Variants in AHI1 observed in about 807,000 individuals in gnomAD.
AHI1 encodes Abelson helper integration site 1.
Under a neutral mutation model 149.3 loss-of-function variants are expected in AHI1, and 123 were observed. The observed-to-expected ratio is 0.82, with a 90% CI of 0.71 to 0.96. The LOEUF is 0.96. AHI1 is among the 40% of genes least tolerant of loss of function. The pLI is 0.00. For synonymous variants in AHI1, 475 were observed against 459.8 expected (o/e 1.03, Z -0.42); for missense variants, 1,439 against 1,422.7 (o/e 1.01, Z -0.18).
intron 15 of AHI1, among the ~76,000 whole-genome samples, chr6:135,434,651 TA>T (rs1785138136): frequency 6.6e-6 from 1 of 152,028 alleles, no homozygotes; most frequent in Non-Finnish European, 1.5e-5. Flanking sequence ...TGGTTTCTGT[TA>T]CCCAGGCCAT....
chr6:135,318,484 G>T (rs1219051698), intron 26 of AHI1, 35 bp downstream of exon 26: 5 of 1,277,346 alleles, frequency 3.9e-6, no homozygotes, highest in South Asian at 2.6e-5. Context: ...GAAAATCAAA[G>T]TACATATGTA....
chr6:135,334,721 A>C (rs1454588316), intron 24 of AHI1, among the ~76,000 whole-genome samples: 12 of 152,232 alleles, frequency 7.9e-5, no homozygotes, highest in Admixed American at 7.8e-4. Context: ...GAGAAGAAAA[A>C]ATCATAGTGT....
intron 26 of AHI1, chr6:135,301,928 T>C: frequency 1.0e-6 from 1 of 985,374 alleles, no homozygotes; most frequent in Non-Finnish European, 1.2e-6. Context: ...AATTATCCTG[T>C]TTCTTTCCAG....
chr6:135,295,339 A>C (rs565632092), intron 27 of AHI1, among the ~76,000 whole-genome samples: 2 of 152,224 alleles, frequency 1.3e-5, no homozygotes, highest in Non-Finnish European at 2.9e-5. Flanking sequence ...TATGGAAAAC[A>C]ATTTGGCAGT....
At chr6:135,308,880 A>G (rs1583624136) in intron 26 of AHI1, among the ~76,000 whole-genome samples, 1 of 152,340 alleles carries the variant, frequency 6.6e-6, no homozygotes, top group East Asian at 1.9e-4. Context: ...GCAATTATCT[A>G]GGTCCTGCCT....
At chr6:135,399,582 C>T (rs770445561) in intron 22 of AHI1, among the ~76,000 whole-genome samples, 13 of 152,158 alleles carry the variant, frequency 8.5e-5, no homozygotes, top group East Asian at 5.8e-4. Context: ...TTGTTAGATC[C>T]GCTGAGCTCC....
At chr6:135,361,691 ACAC>A (rs1793910586) in intron 23 of AHI1, among the ~76,000 whole-genome samples, 1 of 137,442 alleles carries the variant, frequency 7.3e-6, no homozygotes, top group Admixed American at 7.4e-5. Flanking sequence ...ACACACACAC[ACAC>A]GTGTGTATAT....
intron 14 of AHI1, among the ~76,000 whole-genome samples, chr6:135,440,464 G>A (rs183331313): frequency 6.6e-6 from 1 of 152,154 alleles, no homozygotes; most frequent in Non-Finnish European, 1.5e-5. Context: ...ATATTCCTGG[G>A]TATCTAGAAG....
chr6:135,362,465 G>A (rs1794050646), intron 23 of AHI1, among the ~76,000 whole-genome samples: 1 of 152,068 alleles, frequency 6.6e-6, no homozygotes, highest in Non-Finnish European at 1.5e-5. Context: ...CATAGTGGTT[G>A]TACTAGTTCA....
rs759943891 is a variant in AHI1, at chr6:135,290,560, T to C, written c.3486-35A>G. On this transcript the variant is annotated intron_variant, in intron 27 of 28. Coordinates refer to ENST00000265602, the MANE Select transcript of AHI1 (RefSeq NM_001134831.2). Reference sequence around the variant, plus strand: ...GGAAAGATCAGAAACAAGGAGCCAGTAAAAGAGAGCTGAGCTAAAAGCTCA... The same window carrying C: ...GGAAAGATCAGAAACAAGGAGCCAGCAAAAGAGAGCTGAGCTAAAAGCTCA... 18 of 1,611,236 alleles carry C rather than the reference T, an allele frequency of 1.1e-5. No individual in the cohort carries two copies. The African/African-American group carries it at 2.4e-4, about 22-fold the overall frequency.
intron 21 of AHI1, among the ~76,000 whole-genome samples, chr6:135,406,216 A>T (rs920797140): frequency 2.6e-5 from 4 of 152,216 alleles, no homozygotes; most frequent in African/African-American, 9.6e-5. Flanking sequence ...AAGTTTTTAG[A>T]TCCAGAAATT....
chr6:135,364,176 A>C (rs376244660), intron 23 of AHI1, among the ~76,000 whole-genome samples: 1 of 145,732 alleles, frequency 6.9e-6, no homozygotes, highest in Admixed American at 6.8e-5. Context: ...CTTCTCAGAC[A>C]GGGCGGTTGC....
intron 24 of AHI1, among the ~76,000 whole-genome samples, chr6:135,327,632 C>T (rs1787903086): frequency 6.6e-6 from 1 of 152,262 alleles, no homozygotes; most frequent in East Asian, 1.9e-4. Flanking sequence ...AACAGAATGT[C>T]TCTGATCTCC....
intron 26 of AHI1, among the ~76,000 whole-genome samples, chr6:135,311,759 T>C (rs1321880649): frequency 6.6e-6 from 1 of 152,266 alleles, no homozygotes; most frequent in Non-Finnish European, 1.5e-5. Flanking sequence ...AATACTTATA[T>C]TCTCTTTTCT....
chr6:135,376,491 T>G (rs755467404), intron 23 of AHI1, among the ~76,000 whole-genome samples: 12 of 152,194 alleles, frequency 7.9e-5, no homozygotes, highest in Non-Finnish European at 1.6e-4. Flanking sequence ...ACCATTTACA[T>G]GTACTTTGTA....
At chr6:135,335,781 C>T (rs1256359547) in intron 24 of AHI1, among the ~76,000 whole-genome samples, 1 of 151,986 alleles carries the variant, frequency 6.6e-6, no homozygotes. Flanking sequence ...TAAATAACAT[C>T]CTACTCATGA....
At chr6:135,374,088 ATATATATATATATATATATATTTTTT>A (rs1775480677) in intron 23 of AHI1, among the ~76,000 whole-genome samples, 1 of 28,490 alleles carries the variant, frequency 3.5e-5, no homozygotes, top group East Asian at 1.1e-3. Context: ...ATACATATAT[ATATATATATATATATATATATTTTTT>A]TTTTTTTTTT....
intron 5 of AHI1, among the ~76,000 whole-genome samples, chr6:135,479,653 A>T (rs1441228524): frequency 2.0e-5 from 3 of 152,060 alleles, no homozygotes; most frequent in Non-Finnish European, 4.4e-5. Flanking sequence ...TGGACTGTGG[A>T]ATTTCGGGTT....
At chr6:135,297,352 CG>C (rs1562452637) in intron 27 of AHI1, 2 of 450,094 alleles carry the variant, frequency 4.4e-6, no homozygotes, top group Non-Finnish European at 8.9e-6. Flanking sequence ...TCTTCATAGC[CG>C]TATGCTCCTT....
Sources: allele counts gnomAD v4.1 joint callset (sites outside exome capture counted in the v4.1 genomes callset), GRCh38; gene constraint gnomAD v4.1.1; transcripts MANE v1.5; gene names NCBI Gene and HGNC (gene_info 2026-07-23, HGNC 2026-07-21).